Variants in ALKBH3 observed in about 807,000 individuals in gnomAD.
ALKBH3 encodes the protein alpha-ketoglutarate-dependent dioxygenase alkB homolog 3.
Under a neutral mutation model 43.9 loss-of-function variants are expected in ALKBH3, and 51 were observed. That is an observed-to-expected ratio of 1.16 (90% confidence interval 0.93 to 1.47). The LOEUF (loss-of-function observed/expected upper bound fraction) is 1.47. ALKBH3 is among the 40% of genes most tolerant of loss of function. The probability of loss-of-function intolerance (pLI) is 0.00; values close to 1 mark genes in which losing one functional copy is unlikely to be tolerated. For synonymous variants in ALKBH3, 102 were observed against 115.2 expected (o/e 0.89, Z 0.73); for missense variants, 361 against 351.9 (o/e 1.03, Z -0.21).
At chr11:43,884,056 G>T (rs1951731734) in intron 4 of ALKBH3, 39 bp downstream of exon 4, 1 of 1,610,990 alleles carries the variant, frequency 6.2e-7, no homozygotes, top group African/African-American at 1.3e-5. Flanking sequence ...GTTGCCCACA[G>T]TGAAATGAAG....
chr11:43,882,156 T>C (rs373920816), intron 1 of ALKBH3, among the ~76,000 whole-genome samples: 6 of 152,306 alleles, frequency 3.9e-5, no homozygotes, highest in African/African-American at 1.2e-4. Context: ...CATAGGTATT[T>C]TGAACAAACT....
chr11:43,889,027 C>CT (rs961438594), intron 5 of ALKBH3, among the ~76,000 whole-genome samples: 15 of 150,154 alleles, frequency 1.0e-4, no homozygotes, highest in Non-Finnish European at 1.5e-4. Context: ...ATTAGTTATT[C>CT]TTTTTTTTTT....
chr11:43,907,494 T>C (rs1032785208), intron 8 of ALKBH3, among the ~76,000 whole-genome samples: 1 of 152,182 alleles, frequency 6.6e-6, no homozygotes, highest in African/African-American at 2.4e-5. Flanking sequence ...GTTGTTTCTG[T>C]GTGTACCATG....
chr11:43,908,766 G>A (rs1420814944), intron 8 of ALKBH3, among the ~76,000 whole-genome samples: 2 of 152,178 alleles, frequency 1.3e-5, no homozygotes, highest in African/African-American at 2.4e-5. Context: ...CTGTCAGCAG[G>A]TATTTCATTC....
Position 43,883,185 on chromosome 11 carries a change from G to A in ALKBH3, c.180G>A (p.Gln60=). ...SDREFVFKEP[Q]QVVRRAPEPR... ...GAGAGTTTGTGTTCAAAGAACCTCA[G>A]CAGGTAAATTCATGGTTTTTTCTTC... The change falls in exon 3 of 10, where the codon CAG becomes CAA. Residue 60 remains glutamine, a synonymous_variant. Transcript: ENST00000302708. 1 of 1,612,130 alleles carries A rather than the reference G, an allele frequency of 6.2e-7. No individual in the cohort carries two copies.
intron 7 of ALKBH3, chr11:43,899,401 T>C: frequency 1.4e-6 from 1 of 704,680 alleles, no homozygotes. Flanking sequence ...TGCAGATCTC[T>C]TCGCACAACT....
At chr11:43,882,822 A>G (rs954049657) in intron 2 of ALKBH3, 91 bp downstream of exon 2, 8 of 1,320,266 alleles carry the variant, frequency 6.1e-6, no homozygotes, top group Admixed American at 2.8e-5. Context: ...ATGGACTTCC[A>G]TTTCAATTGA....
chr11:43,918,456 C>T (rs937837748), intron 8 of ALKBH3, among the ~76,000 whole-genome samples: 2 of 152,190 alleles, frequency 1.3e-5, no homozygotes, highest in Non-Finnish European at 2.9e-5. Flanking sequence ...TTGCTGTTGT[C>T]TGTTCTGGAA....
intron 8 of ALKBH3, among the ~76,000 whole-genome samples, chr11:43,903,619 C>T (rs1951877426): frequency 6.6e-6 from 1 of 152,114 alleles, no homozygotes; most frequent in South Asian, 2.1e-4. Flanking sequence ...GGCAAATAAG[C>T]TATAGTATAT....
chr11:43,904,730 C>G (rs535453676), intron 8 of ALKBH3, among the ~76,000 whole-genome samples: 1 of 152,058 alleles, frequency 6.6e-6, no homozygotes, highest in Non-Finnish European at 1.5e-5. Context: ...TGAAAGGAAG[C>G]GATTATTGCA....
At chr11:43,908,902 C>T (rs570548648) in intron 8 of ALKBH3, among the ~76,000 whole-genome samples, 1 of 152,298 alleles carries the variant, frequency 6.6e-6, no homozygotes, top group South Asian at 2.1e-4. Flanking sequence ...GCCTCCCAAA[C>T]GCTCTTAAGT....
intron 8 of ALKBH3, among the ~76,000 whole-genome samples, chr11:43,917,937 C>T (rs1200193758): frequency 6.6e-6 from 1 of 152,180 alleles, no homozygotes; most frequent in Non-Finnish European, 1.5e-5. Flanking sequence ...TATGCAAGTT[C>T]ATGATTGTTT....
intron 8 of ALKBH3, among the ~76,000 whole-genome samples, chr11:43,908,142 A>G (rs933547410): frequency 2.0e-5 from 3 of 152,248 alleles, no homozygotes; most frequent in African/African-American, 4.8e-5. Context: ...ATGGAGAGCC[A>G]TGATCACCTT....
intron 4 of ALKBH3, among the ~76,000 whole-genome samples, chr11:43,885,820 A>G (rs1255965471): frequency 1.3e-5 from 2 of 152,246 alleles, no homozygotes; most frequent in Non-Finnish European, 2.9e-5. Flanking sequence ...ATGAAAAAAT[A>G]GACTGTAAGG....
intron 8 of ALKBH3, among the ~76,000 whole-genome samples, chr11:43,917,301 T>C (rs1274042943): frequency 2.0e-5 from 3 of 152,250 alleles, no homozygotes; most frequent in Non-Finnish European, 4.4e-5. Context: ...TGTTTACCTA[T>C]TCTCTTCCAC....
At chr11:43,887,560 C>T (rs1221279932) in intron 5 of ALKBH3, among the ~76,000 whole-genome samples, 1 of 152,042 alleles carries the variant, frequency 6.6e-6, no homozygotes, top group Non-Finnish European at 1.5e-5. Context: ...TCCACCTGCC[C>T]CACCTTAGCC....
intron 8 of ALKBH3, chr11:43,918,791 A>G (rs968722959): frequency 2.3e-6 from 1 of 438,698 alleles, no homozygotes; most frequent in Non-Finnish European, 4.0e-6. Context: ...TATTCTATCA[A>G]TGGAGGCTCA....
chr11:43,907,344 C>T (rs541595244), intron 8 of ALKBH3, among the ~76,000 whole-genome samples: 250 of 152,280 alleles, frequency 1.6e-3, no homozygotes, highest in African/African-American at 5.6e-3. Context: ...GGCCTTGTCT[C>T]AAGCTAGAAT....
rs527319480 is a variant in ALKBH3 at position 43,902,864 on chromosome 11, T to C, written c.669+1139T>C. Among the ~76,000 whole-genome samples, 6 of 152,356 alleles carry C rather than the reference T, an allele frequency of 3.9e-5. No homozygotes were observed. In the East Asian group the frequency reaches 1.2e-3, roughly 29 times the overall value. ...CGCCCACCTCGGCCTCCCAAAGTGC[T>C]GGGATTACAGGCATGAGCCACTGCA... On this transcript the variant is annotated intron_variant, in intron 8 of 9. Coordinates refer to ENST00000302708, the MANE Select transcript of ALKBH3 (RefSeq NM_139178.4).
Sources: gnomAD v4.1 joint callset for allele counts (sites outside exome capture counted in the v4.1 genomes callset) on GRCh38, gnomAD v4.1.1 for gene constraint, MANE v1.5 for transcripts, NCBI Gene and HGNC (gene_info 2026-07-23, HGNC 2026-07-21) for gene names.